Variants in TNNI3K observed in about 807,000 individuals in gnomAD.
TNNI3K encodes the protein TNNI3 interacting kinase.
In TNNI3K, 140 loss-of-function variants were observed where a neutral mutation model predicts 114.5. The observed-to-expected ratio is 1.22, with a 90% CI of 1.07 to 1.41. TNNI3K has a LOEUF of 1.41. TNNI3K is among the 40% of genes most tolerant of loss of function. The probability of loss-of-function intolerance (pLI) is 0.00; values close to 1 mark genes in which losing one functional copy is unlikely to be tolerated. For missense variants in TNNI3K, 1,125 were observed against 1,007.6 expected (o/e 1.12, Z -1.58); for synonymous variants, 347 against 347.5 (o/e 1.00, Z 0.02).
At chr1:74,308,038 A>T (rs777079834) in intron 5 of TNNI3K, among the ~76,000 whole-genome samples, 1 of 151,030 alleles carries the variant, frequency 6.6e-6, no homozygotes, top group South Asian at 2.1e-4. Flanking sequence ...TCCATCTAAA[A>T]ATATATATAT....
chr1:74,243,177 ATAAT>A (rs1654354329), intron 2 of TNNI3K, among the ~76,000 whole-genome samples: 2 of 150,398 alleles, frequency 1.3e-5, no homozygotes, highest in African/African-American at 4.8e-5. Flanking sequence ...CACTCTAACT[ATAAT>A]TGTTTATTGT....
At chr1:74,498,016 C>A (rs1669421334) in intron 23 of TNNI3K, among the ~76,000 whole-genome samples, 1 of 151,812 alleles carries the variant, frequency 6.6e-6, no homozygotes, top group Non-Finnish European at 1.5e-5. Flanking sequence ...TTTTGTATTC[C>A]CAAGGACTAA....
chr1:74,269,190 C>A (rs75554739), intron 4 of TNNI3K, among the ~76,000 whole-genome samples: 1,899 of 151,960 alleles, frequency 0.012, 45 homozygotes, highest in African/African-American at 0.043. Flanking sequence ...GCCATCTAAT[C>A]ATTTGTCTAT....
In TNNI3K at chr1:74,441,079, T is replaced by C. The variant is rs184380178; in HGVS notation, c.2011+1457T>C. Among the ~76,000 whole-genome samples the C allele has an allele frequency of 5.2e-4, 79 of 152,208 alleles. 1 individual carries two copies. In the East Asian group the frequency reaches 0.01, roughly 20 times the overall value. On this transcript the variant is annotated intron_variant, in intron 20 of 24. Transcript: ENST00000326637. ...ACCACTGCAATAGTCTTTTTAAAAATAGGGTTTATTTAGGCATAATATACC... is the reference window on the plus strand; with the variant it reads ...ACCACTGCAATAGTCTTTTTAAAAACAGGGTTTATTTAGGCATAATATACC...
intron 5 of TNNI3K, among the ~76,000 whole-genome samples, chr1:74,325,424 T>C (rs951560260): frequency 1.3e-5 from 2 of 152,090 alleles, no homozygotes; most frequent in Non-Finnish European, 2.9e-5. Context: ...ACATGGCAGG[T>C]ATCTGGATCA....
intron 17 of TNNI3K, among the ~76,000 whole-genome samples, chr1:74,404,491 A>G (rs546225172): frequency 2.6e-5 from 4 of 152,286 alleles, no homozygotes; most frequent in African/African-American, 9.6e-5. Context: ...TTGGCCTATG[A>G]CAGTAGTTCT....
At chr1:74,444,650 A>G (rs1472805974) in intron 20 of TNNI3K, among the ~76,000 whole-genome samples, 2 of 152,176 alleles carry the variant, frequency 1.3e-5, no homozygotes, top group African/African-American at 4.8e-5. Context: ...TTAAGTAACT[A>G]TTGACGTTCT....
intron 17 of TNNI3K, among the ~76,000 whole-genome samples, chr1:74,420,098 A>G (rs1385362628): frequency 6.6e-6 from 1 of 152,054 alleles, no homozygotes; most frequent in Non-Finnish European, 1.5e-5. Context: ...TAGTATATAG[A>G]TATGAAATGA....
intron 17 of TNNI3K, among the ~76,000 whole-genome samples, chr1:74,389,116 C>G (rs1274703801): frequency 2.0e-5 from 3 of 152,148 alleles, no homozygotes; most frequent in Non-Finnish European, 4.4e-5. Context: ...TGGAGAGTGG[C>G]TTAGTACAGG....
chr1:74,437,819 G>A (rs762478738), intron 19 of TNNI3K, among the ~76,000 whole-genome samples: 6 of 151,816 alleles, frequency 4.0e-5, no homozygotes, highest in Non-Finnish European at 7.4e-5. Flanking sequence ...CATAGTGCCC[G>A]AATCTGATCC....
intron 5 of TNNI3K, among the ~76,000 whole-genome samples, chr1:74,283,165 A>T (rs540216740): frequency 6.6e-6 from 1 of 152,126 alleles, no homozygotes; most frequent in Non-Finnish European, 1.5e-5. Context: ...AATATCTAAG[A>T]CTCAATTTAA....
chr1:74,384,294 T>C (rs1663362873), intron 17 of TNNI3K, among the ~76,000 whole-genome samples: 1 of 152,174 alleles, frequency 6.6e-6, no homozygotes, highest in African/African-American at 2.4e-5. Context: ...ATTATTTGCA[T>C]GCTAGTCACT....
In TNNI3K at chr1:74,466,483, G is replaced by A. The variant is rs76575633; in HGVS notation, c.2121+2933G>A. Among the ~76,000 whole-genome samples, 1,216 of 152,252 alleles carry A rather than the reference G, an allele frequency of 8.0e-3. 21 individuals are homozygous for A. The highest frequency in any genetic ancestry group is 0.028 in the African/African-American group (1,175 of 41,548). On this transcript the variant is annotated intron_variant, in intron 21 of 24. Coordinates refer to ENST00000326637, the MANE Select transcript of TNNI3K (RefSeq NM_015978.3). ...AAGGATACTGTTAAAAAAAAGAAAGGATAAAAATCGATTGCTTAGCAGAAA... is the reference window on the plus strand; with the variant it reads ...AAGGATACTGTTAAAAAAAAGAAAGAATAAAAATCGATTGCTTAGCAGAAA...
chr1:74,360,708 T>C (rs1050479380), intron 11 of TNNI3K, among the ~76,000 whole-genome samples: 3 of 152,170 alleles, frequency 2.0e-5, no homozygotes, highest in Admixed American at 1.3e-4. Context: ...CTTCAAGACT[T>C]AGTTTATGGA....
chr1:74,260,918 A>C (rs2100870874), intron 4 of TNNI3K, among the ~76,000 whole-genome samples: 1 of 152,196 alleles, frequency 6.6e-6, no homozygotes, highest in Admixed American at 6.5e-5. Flanking sequence ...TTAAGACAAA[A>C]TCTACTCTTT....
intron 6 of TNNI3K, among the ~76,000 whole-genome samples, chr1:74,332,401 C>T (rs1022945086): frequency 4.6e-5 from 7 of 151,794 alleles, no homozygotes; most frequent in South Asian, 4.2e-4. Flanking sequence ...CCTGGGTTCA[C>T]GCCATTCTCC....
intron 17 of TNNI3K, chr1:74,416,413 T>G: frequency 1.0e-6 from 1 of 966,572 alleles, no homozygotes; most frequent in Non-Finnish European, 1.2e-6. Context: ...TGAAAAGAAG[T>G]CTTTGTTAGC....
rs1030105544 is a variant in TNNI3K at position 74,472,951 on chromosome 1, T to G, written c.2121+9401T>G. 2.0e-5 allele frequency among the ~76,000 whole-genome samples: 3 copies of G among 152,218 alleles called. No homozygotes were observed. The South Asian group carries it at 6.2e-4, about 32-fold the overall frequency. ...TCATTTACTAAAGGAAAATAGTACA[T>G]GATGAACCATTCAGAAAGGAAGCTT... is the stretch of plus-strand genomic sequence containing the variant. On this transcript the variant is annotated intron_variant, in intron 21 of 24. Coordinates refer to ENST00000326637, the MANE Select transcript of TNNI3K (RefSeq NM_015978.3).
chr1:74,310,430 A>G (rs774539450), intron 5 of TNNI3K, among the ~76,000 whole-genome samples: 4 of 152,154 alleles, frequency 2.6e-5, no homozygotes, highest in Non-Finnish European at 5.9e-5. Flanking sequence ...ATTCCTTTCA[A>G]ATTACCAATG....
Sources: gnomAD v4.1 joint callset for allele counts (sites outside exome capture counted in the v4.1 genomes callset) on GRCh38, gnomAD v4.1.1 for gene constraint, MANE v1.5 for transcripts, NCBI Gene and HGNC (gene_info 2026-07-23, HGNC 2026-07-21) for gene names.